Variants in MCFD2 observed in about 807,000 individuals in gnomAD.
The protein encoded by MCFD2 is multiple coagulation factor deficiency 2, ER cargo receptor complex subunit.
Under a neutral mutation model 12.8 loss-of-function variants are expected in MCFD2, and 11 were observed. That is an observed-to-expected ratio of 0.86 (90% confidence interval 0.54 to 1.42). The LOEUF (loss-of-function observed/expected upper bound fraction) is 1.42. Ranked by LOEUF, MCFD2 falls within the 40% of genes most tolerant of loss-of-function variation. MCFD2 has a pLI of 0.00. For synonymous variants in MCFD2, 70 were observed against 68.1 expected (o/e 1.03, Z -0.14); for missense variants, 191 against 178.6 (o/e 1.07, Z -0.40).
chr2:46,926,288 T>C (rs2103821662), intron 1 of MCFD2, among the ~76,000 whole-genome samples: 1 of 152,352 alleles, frequency 6.6e-6, no homozygotes, highest in Non-Finnish European at 1.5e-5. Flanking sequence ...ACTGAGTATA[T>C]GCCATTGCCC....
chr2:46,909,224 A>G (rs1668381798), intron 1 of MCFD2, 47 bp from the exon 2 acceptor site: 3 of 1,584,338 alleles, frequency 1.9e-6, no homozygotes, highest in Admixed American at 3.7e-5. Context: ...ATCAGAGCAA[A>G]GGTTTCGTTC....
chr2:46,941,798 C>G lies in MCFD2; in HGVS notation c.-234G>C. 1 of 1,533,084 alleles carries G rather than the reference C, an allele frequency of 6.5e-7. No individual in the cohort carries two copies. The highest frequency in any genetic ancestry group is 8.8e-7 in the Non-Finnish European group (1 of 1,135,360). 95.0% of individuals were successfully genotyped at this position (1,533,084 alleles called of 1,614,324 possible). On this transcript the variant is annotated 5_prime_UTR_variant, in exon 1 of 3. Transcript: ENST00000409147. The surrounding 1 kb of genome is among the most constrained non-coding windows in gnomAD (Gnocchi z 4.2). Reference sequence around the variant, plus strand: ...CACCGCCTCCTCCAGGAAGCGCGCCCAGACAGTCCTCGGCCGACAGCGGGC... The same window carrying G: ...CACCGCCTCCTCCAGGAAGCGCGCCGAGACAGTCCTCGGCCGACAGCGGGC...
chr2:46,930,328 G>A (rs1419117620), intron 1 of MCFD2, among the ~76,000 whole-genome samples: 2 of 150,354 alleles, frequency 1.3e-5, no homozygotes, highest in African/African-American at 4.9e-5. Context: ...TACCAGTAAT[G>A]AAAATTCAAA....
Position 46,909,097 on chromosome 2 carries a change from C to G in MCFD2, c.75G>C (p.Arg25Ser). Residue 25 changes from arginine to serine, a missense_variant, in exon 2 of 4, where the codon AGG becomes AGC. Transcript: ENST00000319466. The stretch of plus-strand genomic sequence containing the variant: ...AGAAGCTGGCTGCAGGCTCCTCAGC[C>G]CTGGCGCCTGGGGCACAAAAGGCCC... ...LLWAFCAPGA[R>S]AEEPAASFSQ... 6.2e-7 allele frequency: 1 copy of G among 1,614,236 alleles called. No individual in the cohort carries two copies. The highest frequency in any genetic ancestry group is 8.5e-7 in the Non-Finnish European group (1 of 1,180,048).
Position 46,905,108 on chromosome 2 carries a change from C to T in MCFD2, c.*355G>A, listed in dbSNP as rs1276751471. Reference sequence around the variant, plus strand: ...CATGTAAGAAGTGCCTTTCACCTCCCGCCATGATTCTGAGGCCTCCCCAGC... The same window carrying T: ...CATGTAAGAAGTGCCTTTCACCTCCTGCCATGATTCTGAGGCCTCCCCAGC... On this transcript the variant is annotated 3_prime_UTR_variant, in exon 4 of 4. Coordinates refer to ENST00000319466, the MANE Select transcript of MCFD2 (RefSeq NM_139279.6). The T allele has an allele frequency of 8.9e-6, 3 of 336,892 alleles. No homozygotes were observed. The highest frequency in any genetic ancestry group is 2.2e-5 in the African/African-American group (1 of 46,464). The allele number at this position is 336,892 out of a possible 1,614,324, so 20.9% of individuals were successfully genotyped here.
chr2:46,921,687 G>T (rs1669110490), intron 1 of MCFD2, among the ~76,000 whole-genome samples: 1 of 152,216 alleles, frequency 6.6e-6, no homozygotes, highest in Non-Finnish European at 1.5e-5. Context: ...CAGTTTCATG[G>T]AAGACAATTT....
At position 46,908,159 on chromosome 2, in the gene MCFD2, A is replaced by G; in HGVS notation, c.150-190T>C. The G allele has an allele frequency of 1.5e-6, 1 of 659,580 alleles. No individual in the cohort carries two copies. The highest frequency in any genetic ancestry group is 2.7e-6 in the Non-Finnish European group (1 of 368,504). 40.9% of individuals were successfully genotyped at this position (659,580 alleles called of 1,614,324 possible). On this transcript the variant is annotated intron_variant, in intron 2 of 3. Transcript: ENST00000319466. This position sits in a 1 kb window ranked among gnomAD's most constrained non-coding sequence, Gnocchi z 4.5. ...TTGAGAGGAGCAGGAAAAGTCAAAT[A>G]GACCATCTGTTATGCTGGCAGGATT...
intron 1 of MCFD2, among the ~76,000 whole-genome samples, chr2:46,922,535 A>AT (rs755860138): frequency 9.0e-4 from 126 of 139,994 alleles, no homozygotes; most frequent in Non-Finnish European, 1.5e-3. Flanking sequence ...CTCAGGGAAA[A>AT]TTTTTTTTTC....
At chr2:46,916,136 G>A (rs562748784), upstream of MCFD2, 37 of 985,532 alleles carry the variant, frequency 3.8e-5, no homozygotes, top group African/African-American at 5.8e-4. Flanking sequence ...CCCAAAGCTG[G>A]CTCCCAACTC....
Position 46,903,519 on chromosome 2 carries a change from TG to T in MCFD2, c.*1943del, listed in dbSNP as rs1188188263. ...TTCCTACAGACTTGTTGAATGGCTT[TG>T]CCCCAAATGCTGATAGCAATATGGA... On this transcript the variant is annotated 3_prime_UTR_variant, in exon 4 of 4. Transcript: ENST00000319466. 1 of 152,288 alleles carries T rather than the reference TG, an allele frequency of 6.6e-6. No individual in the cohort carries two copies. Among genetic ancestry groups the T allele is most frequent in the Non-Finnish European group, 1.5e-5 (1 of 68,102 alleles). 9.4% of individuals were successfully genotyped at this position (152,288 alleles called of 1,614,324 possible). A position where few individuals can be genotyped will look rare whatever the true frequency, so the allele number is the denominator to read the frequency against.
rs1668181234 is a variant in MCFD2, at chr2:46,905,477, T to G, written c.427A>C (p.Lys143Gln). The change falls in exon 4 of 4, where the codon AAA (lysine) becomes CAA (glutamine). Residue 143 changes from lysine to glutamine, a missense_variant. Physicochemically the swap from Lys to Gln is moderately conservative, Grantham distance 53. Transcript: ENST00000319466. Reference protein sequence around the residue: ...DGYIDYAEFAKSLQ With the variant: ...DGYIDYAEFAQSLQ ...CCAAATAACATCTACTGCAGTGATT[T>G]TGCAAATTCAGCATAGTCAATGTAT... 3 of 1,612,762 alleles carry G rather than the reference T, an allele frequency of 1.9e-6. No individual in the cohort carries two copies. The highest frequency in any genetic ancestry group is 2.5e-6 in the Non-Finnish European group (3 of 1,179,964).
intron 1 of MCFD2, among the ~76,000 whole-genome samples, chr2:46,909,938 G>T (rs1411709509): frequency 6.6e-6 from 1 of 152,216 alleles, no homozygotes; most frequent in Non-Finnish European, 1.5e-5. Context: ...AGCACAGTGG[G>T]GAAGGCATGA....
At position 46,905,535 on chromosome 2, in the gene MCFD2, A is replaced by C; in HGVS notation, c.369T>G (p.Gly123=). Reference sequence around the variant, plus strand: ...TGTTCTTGTCATCATCTCTCAAAACACCATCTATTATGTTAATCAGTTCAT... The same window carrying C: ...TGTTCTTGTCATCATCTCTCAAAACCCCATCTATTATGTTAATCAGTTCAT... The part of the protein sequence containing the change: ...SEDELINIID[G]VLRDDDKNND... Residue 123 remains glycine (G), a synonymous_variant, in exon 4 of 4, where the codon GGT becomes GGG. Coordinates refer to ENST00000319466, the MANE Select transcript of MCFD2 (RefSeq NM_139279.6). 1 of 1,613,556 alleles carries C rather than the reference A, an allele frequency of 6.2e-7. No homozygotes were observed. Among genetic ancestry groups the C allele is most frequent in the Non-Finnish European group, 8.5e-7 (1 of 1,179,644 alleles).
intron 1 of MCFD2, 97 bp from the exon 2 acceptor site, chr2:46,909,274 C>T: frequency 7.2e-7 from 1 of 1,394,052 alleles, no homozygotes. Context: ...CCTGATGAAG[C>T]AGTAAGGTTA....
intron 1 of MCFD2, among the ~76,000 whole-genome samples, chr2:46,926,666 T>A (rs1213543113): frequency 6.6e-6 from 1 of 152,240 alleles, no homozygotes; most frequent in Non-Finnish European, 1.5e-5. Context: ...CAGAAGAATA[T>A]AAAATTATCC....
chr2:46,911,314 G>C (rs537948805), intron 1 of MCFD2, among the ~76,000 whole-genome samples: 4 of 151,870 alleles, frequency 2.6e-5, no homozygotes, highest in African/African-American at 9.7e-5. Context: ...TTTTAGTAGA[G>C]ACAGGGTTTC....
intron 1 of MCFD2, among the ~76,000 whole-genome samples, chr2:46,934,856 A>G (rs190408467): frequency 8.6e-6 from 1 of 116,476 alleles, no homozygotes; most frequent in Non-Finnish European, 1.6e-5. Context: ...GCTGGAGTGC[A>G]GTGGCATGAT....
At chr2:46,911,372 C>A (rs538820457) in intron 1 of MCFD2, among the ~76,000 whole-genome samples, 1 of 151,660 alleles carries the variant, frequency 6.6e-6, no homozygotes, top group African/African-American at 2.4e-5. Flanking sequence ...AGGTGATCCA[C>A]CCGCCTCGGC....
In MCFD2 at chr2:46,929,791, T is replaced by C. The variant is rs548775631; in HGVS notation, c.-8+11781A>G. On this transcript the variant is annotated intron_variant, in intron 1 of 2. Transcript: ENST00000409147. ...TTCACTGCCCATCTCTGGGCATTGG[T>C]ATTAGGCTGAGTCATATTTCTTCCT... is the stretch of plus-strand genomic sequence containing the variant. 7.2e-5 allele frequency among the ~76,000 whole-genome samples: 11 copies of C among 152,338 alleles called. No individual in the cohort carries two copies. The South Asian group carries it at 1.9e-3, about 26-fold the overall frequency.
Sources: gnomAD v4.1 joint callset for allele counts (sites outside exome capture counted in the v4.1 genomes callset) on GRCh38, gnomAD v4.1.1 for gene constraint, Gnocchi (gnomAD v3.1) non-coding constraint, MANE v1.5 for transcripts, NCBI Gene and HGNC (gene_info 2026-07-23, HGNC 2026-07-21) for gene names.